TLN2: variants seen among roughly 807,000 people sequenced by gnomAD.
The protein encoded by TLN2 is talin 2.
In TLN2, 118 loss-of-function variants were observed where a neutral mutation model predicts 294.7. That is an observed-to-expected ratio of 0.40 (90% confidence interval 0.34 to 0.47). The LOEUF (loss-of-function observed/expected upper bound fraction) is 0.47. Among genes scored for constraint, TLN2 ranks in the 20% least tolerant of loss-of-function variants. The pLI is 0.84. For synonymous variants in TLN2, 1,431 were observed against 1,304.5 expected, an observed-to-expected ratio of 1.10 and a Z score of -2.09; for missense variants, 3,083 against 3,282.2, an observed-to-expected ratio of 0.94 and a Z score of 1.48.
At chr15:62,680,091 C>G (rs995641215) in intron 11 of TLN2, among the ~76,000 whole-genome samples, 4 of 152,156 alleles carry the variant, frequency 2.6e-5, no homozygotes, top group African/African-American at 9.7e-5. Context: ...AAAGTAAGCC[C>G]TAACATCAGA....
chr15:62,604,423 G>A (rs1057279083), intron 2 of TLN2, among the ~76,000 whole-genome samples: 4 of 150,916 alleles, frequency 2.7e-5, no homozygotes, highest in Admixed American at 6.6e-5. Flanking sequence ...TGCACCTCCC[G>A]TCCCAGCCAC....
At chr15:62,568,451 C>A (rs1025281941) in intron 1 of TLN2, among the ~76,000 whole-genome samples, 3 of 152,132 alleles carry the variant, frequency 2.0e-5, no homozygotes, top group Non-Finnish European at 4.4e-5. Context: ...GTAAGAGGTA[C>A]AATTTAAAGA....
At chr15:62,456,446 TC>T (rs1265398467) in intron 1 of TLN2, among the ~76,000 whole-genome samples, 1 of 152,204 alleles carries the variant, frequency 6.6e-6, no homozygotes, top group African/African-American at 2.4e-5. Context: ...ATTTATGTGT[TC>T]CCTGGGTGTG....
intron 12 of TLN2, 32 bp downstream of exon 12, chr15:62,686,828 A>G (rs1258093162): frequency 1.2e-6 from 2 of 1,609,998 alleles, no homozygotes; most frequent in Non-Finnish European, 8.5e-7. Context: ...GGAGAGCACT[A>G]GCGTGGCCTT....
In TLN2 at chr15:62,505,839, C is replaced by CGGGGAA. The variant is rs1389154980; in HGVS notation, c.-237-83836_-237-83831dup. Among the ~76,000 whole-genome samples, 6 of 151,952 alleles carry CGGGGAA rather than the reference C, an allele frequency of 3.9e-5. No individual in the cohort carries two copies. The East Asian group carries it at 7.7e-4, about 20-fold the overall frequency. ...GTCTGCCTCTATGATGGGGGGCGGA[C>CGGGGAA]GGGGAAGGGGAAGGGGAGTGTCTGC... On this transcript the variant is annotated intron_variant, in intron 1 of 58. Coordinates refer to ENST00000636159, the MANE Select transcript of TLN2 (RefSeq NM_015059.3).
At chr15:62,638,826 A>G (rs1205041667) in intron 3 of TLN2, among the ~76,000 whole-genome samples, 2 of 152,022 alleles carry the variant, frequency 1.3e-5, no homozygotes, top group East Asian at 3.9e-4. Context: ...GGGAGCTTCC[A>G]GTTATTTCTG....
intron 52 of TLN2, among the ~76,000 whole-genome samples, chr15:62,815,521 A>C (rs2067043147): frequency 6.6e-6 from 1 of 152,226 alleles, no homozygotes; most frequent in African/African-American, 2.4e-5. Context: ...AGTGTCCAGC[A>C]ATCTGCAGAA....
At chr15:62,746,979 C>G (rs1265085947) in intron 32 of TLN2, among the ~76,000 whole-genome samples, 2 of 152,012 alleles carry the variant, frequency 1.3e-5, no homozygotes, top group Non-Finnish European at 2.9e-5. Flanking sequence ...GTGGTATCGA[C>G]AAAACATTGA....
intron 1 of TLN2, among the ~76,000 whole-genome samples, chr15:62,548,821 G>A (rs899954249): frequency 6.6e-6 from 1 of 152,180 alleles, no homozygotes; most frequent in African/African-American, 2.4e-5. Context: ...AGGAATGGTA[G>A]GATGGAGGGT....
intron 14 of TLN2, among the ~76,000 whole-genome samples, chr15:62,697,284 T>G (rs2058409298): frequency 6.6e-6 from 1 of 152,134 alleles, no homozygotes; most frequent in African/African-American, 2.4e-5. Context: ...AGTTGTTGAA[T>G]TTTTTGTAGA....
At chr15:62,720,648 G>GGTGTGTGTGTGTGTGTGT in intron 25 of TLN2, among the ~76,000 whole-genome samples, 1 of 149,098 alleles carries the variant, frequency 6.7e-6, no homozygotes, top group Non-Finnish European at 1.5e-5. Flanking sequence ...ATACAACACA[G>GGTGTGTGTGTGTGTGTGT]GTGTGTGTGT....
chr15:62,649,810 T>G (rs2052379519), intron 4 of TLN2, among the ~76,000 whole-genome samples: 1 of 152,248 alleles, frequency 6.6e-6, no homozygotes, highest in African/African-American at 2.4e-5. Flanking sequence ...AAATTTGGAC[T>G]GCTTCTAAAT....
At chr15:62,535,897 T>C (rs1408418084) in intron 1 of TLN2, among the ~76,000 whole-genome samples, 2 of 152,234 alleles carry the variant, frequency 1.3e-5, no homozygotes. Flanking sequence ...ATAACTCTTA[T>C]GTGTGTGTAT....
intron 1 of TLN2, among the ~76,000 whole-genome samples, chr15:62,543,448 G>T (rs1196763892): frequency 6.6e-6 from 1 of 152,114 alleles, no homozygotes; most frequent in African/African-American, 2.4e-5. Context: ...AATGAAAAAT[G>T]ATGAGACAGA....
intron 1 of TLN2, among the ~76,000 whole-genome samples, chr15:62,460,098 C>T (rs2036710507): frequency 6.6e-6 from 1 of 152,140 alleles, no homozygotes; most frequent in Non-Finnish European, 1.5e-5. Flanking sequence ...GACAGTCCTA[C>T]CACCTGTTTC....
At chr15:62,505,244 A>T (rs1006205184) in intron 1 of TLN2, among the ~76,000 whole-genome samples, 1 of 152,190 alleles carries the variant, frequency 6.6e-6, no homozygotes, top group Non-Finnish European at 1.5e-5. Context: ...GGCGTGAGCC[A>T]CTGTGCTCGG....
chr15:62,741,116 A>G (rs1269770063), intron 32 of TLN2, among the ~76,000 whole-genome samples: 3 of 152,220 alleles, frequency 2.0e-5, no homozygotes, highest in African/African-American at 7.2e-5. Flanking sequence ...TGCTTCTTGA[A>G]ACATCAGAAA....
At chr15:62,627,421 G>T (rs1309544915) in intron 3 of TLN2, among the ~76,000 whole-genome samples, 2 of 152,128 alleles carry the variant, frequency 1.3e-5, no homozygotes, top group Non-Finnish European at 2.9e-5. Flanking sequence ...GCCAAAGAGG[G>T]AATTAGGTAA....
At chr15:62,518,079 G>A (rs1028850392) in intron 1 of TLN2, among the ~76,000 whole-genome samples, 20 of 151,166 alleles carry the variant, frequency 1.3e-4, no homozygotes, top group Admixed American at 1.3e-4. Flanking sequence ...TCACTCTGTC[G>A]CCAGGCTAGA....
Sources: gnomAD v4.1 joint callset for allele counts (sites outside exome capture counted in the v4.1 genomes callset) on GRCh38, gnomAD v4.1.1 for gene constraint, MANE v1.5 for transcripts, NCBI Gene and HGNC (gene_info 2026-07-23, HGNC 2026-07-21) for gene names.